Variants in KDM4B observed in about 807,000 individuals in gnomAD.
KDM4B encodes the protein lysine-specific demethylase 4B.
Under a neutral mutation model 125.2 loss-of-function variants are expected in KDM4B, and 32 were observed. The observed-to-expected ratio is 0.26, with a 90% CI of 0.19 to 0.34. KDM4B has a LOEUF of 0.34. KDM4B is among the 10% of genes least tolerant of loss of function. KDM4B has a pLI of 1.00. For synonymous variants in KDM4B, 721 were observed against 677.9 expected, an observed-to-expected ratio of 1.06 and a Z score of -0.99; for missense variants, 1,190 against 1,577.7, an observed-to-expected ratio of 0.75 and a Z score of 4.16.
intron 6 of KDM4B, among the ~76,000 whole-genome samples, chr19:5,053,331 TG>T (rs1460394245): frequency 6.6e-6 from 1 of 152,182 alleles, no homozygotes; most frequent in East Asian, 1.9e-4. Context: ...GCCCGATGCG[TG>T]CCTCGCTCCC....
intron 1 of KDM4B, among the ~76,000 whole-genome samples, chr19:4,975,203 G>C (rs960785790): frequency 4.6e-5 from 7 of 152,214 alleles, no homozygotes; most frequent in Admixed American, 3.9e-4. Flanking sequence ...TTGTAAGCCA[G>C]AGGTCATCTC....
intron 6 of KDM4B, among the ~76,000 whole-genome samples, chr19:5,068,042 G>T (rs2037829872): frequency 6.6e-6 from 1 of 151,530 alleles, no homozygotes; most frequent in Non-Finnish European, 1.5e-5. Context: ...TGCTCCCCCT[G>T]CCTCGAGCTT....
intron 3 of KDM4B, 96 bp from the exon 4 acceptor site, chr19:5,039,740 G>T: frequency 7.4e-7 from 1 of 1,353,500 alleles, no homozygotes; most frequent in Admixed American, 2.0e-5. Context: ...CAGATCTTGG[G>T]GGGTGCTGGT....
At chr19:5,117,676 C>G (rs1266312881) in intron 10 of KDM4B, among the ~76,000 whole-genome samples, 1 of 152,164 alleles carries the variant, frequency 6.6e-6, no homozygotes, top group East Asian at 1.9e-4. Flanking sequence ...TTGTGGAGAA[C>G]GTTCTCTGGA....
chr19:5,053,115 G>C (rs1308095426), intron 6 of KDM4B, among the ~76,000 whole-genome samples: 1 of 152,240 alleles, frequency 6.6e-6, no homozygotes, highest in East Asian at 1.9e-4. Context: ...CAGCTTCACA[G>C]ATTGGTTTTA....
chr19:5,022,827 G>T (rs61315057), intron 2 of KDM4B, among the ~76,000 whole-genome samples: 22 of 152,012 alleles, frequency 1.4e-4, no homozygotes, highest in East Asian at 3.9e-4. Flanking sequence ...CTCTCCAGGT[G>T]GGGGGGCTTG....
intron 5 of KDM4B, among the ~76,000 whole-genome samples, chr19:5,045,565 T>TC (rs2036999260): frequency 6.7e-6 from 1 of 150,066 alleles, no homozygotes; most frequent in South Asian, 2.1e-4. Context: ...TAATTTTCTT[T>TC]CTTTTTTTTT....
chr19:5,029,899 C>T (rs2036396792), intron 2 of KDM4B, among the ~76,000 whole-genome samples: 1 of 152,296 alleles, frequency 6.6e-6, no homozygotes, highest in African/African-American at 2.4e-5. Flanking sequence ...TGCCTGAGTC[C>T]CTGTGCTGAG....
chr19:5,126,458 CAG>C (rs745761130), intron 11 of KDM4B, among the ~76,000 whole-genome samples: 8 of 152,210 alleles, frequency 5.3e-5, no homozygotes, highest in African/African-American at 9.6e-5. Flanking sequence ...CACACAGGGT[CAG>C]GGGGCAGAGC....
At chr19:5,052,940 GC>G (rs71170888) in intron 6 of KDM4B, among the ~76,000 whole-genome samples, 3 of 152,204 alleles carry the variant, frequency 2.0e-5, no homozygotes, top group Admixed American at 6.5e-5. Flanking sequence ...GTAAGGCATG[GC>G]CCCCCTCAGT....
chr19:5,042,039 C>T (rs549028694), intron 5 of KDM4B, among the ~76,000 whole-genome samples: 1 of 152,374 alleles, frequency 6.6e-6, no homozygotes, highest in East Asian at 1.9e-4. Context: ...ACGCCCCCGA[C>T]ATGGAGCCAG....
chr19:5,040,884 G>A (rs917718029), intron 4 of KDM4B, among the ~76,000 whole-genome samples: 6 of 152,234 alleles, frequency 3.9e-5, no homozygotes, highest in East Asian at 1.9e-4. Flanking sequence ...TCCCCCTGGC[G>A]TGTGTTCTGA....
chr19:4,993,581 A>C (rs2035097383), intron 1 of KDM4B, among the ~76,000 whole-genome samples: 1 of 152,026 alleles, frequency 6.6e-6, no homozygotes, highest in African/African-American at 2.4e-5. Flanking sequence ...TTATCATTAT[A>C]AAATGTCCCT....
intron 1 of KDM4B, among the ~76,000 whole-genome samples, chr19:5,008,794 G>T (rs1399603522): frequency 1.3e-5 from 2 of 149,596 alleles, no homozygotes; most frequent in African/African-American, 2.5e-5. Context: ...GTAGAGACAG[G>T]TTTTCACCAT....
rs1337798507 is a variant in KDM4B, at chr19:5,137,649, G to A, written c.2414G>A (p.Gly805Asp). 1 of 1,599,242 alleles carries A rather than the reference G, an allele frequency of 6.3e-7. No individual in the cohort carries two copies. The highest frequency in any genetic ancestry group is 8.5e-7 in the Non-Finnish European group (1 of 1,176,802). ...TGCTGCCTGTGCAACCTGCGAGGAGGTGCGCTGCAGATGACCACCGATAGG... is the reference window on the plus strand; with the variant it reads ...TGCTGCCTGTGCAACCTGCGAGGAGATGCGCTGCAGATGACCACCGATAGG... ...AECCLCNLRG[G>D]ALQMTTDRRW... is the part of the protein sequence containing the mutation. Residue 805 changes from glycine (G) to aspartate (D), a missense_variant, in exon 17 of 23, where the codon GGT (glycine) becomes GAT (aspartate). By Grantham distance (94) the Gly-to-Asp change is moderately conservative (BLOSUM62 -1). Around this residue, in one of 7 missense-constraint regions of KDM4B, gnomAD observed 298 missense variants for 439.7 expected, o/e 0.68. Transcript: ENST00000159111.
chr19:5,138,106 C>G, intron 18 of KDM4B, 36 bp downstream of exon 18: 1 of 1,516,338 alleles, frequency 6.6e-7, no homozygotes, highest in Non-Finnish European at 9.1e-7. Flanking sequence ...CCTGCCCGTG[C>G]CTCTAGGGCT....
chr19:4,974,055 C>T (rs1438466277), intron 1 of KDM4B, among the ~76,000 whole-genome samples: 1 of 151,504 alleles, frequency 6.6e-6, no homozygotes, highest in Non-Finnish European at 1.5e-5. Flanking sequence ...GCACCGAGAT[C>T]CTGCCACTGC....
intron 9 of KDM4B, among the ~76,000 whole-genome samples, chr19:5,087,469 T>TC (rs1201183894): frequency 6.6e-6 from 1 of 152,060 alleles, no homozygotes; most frequent in Non-Finnish European, 1.5e-5. Context: ...ACCACAGAGG[T>TC]CCCCAGACAT....
chr19:5,066,946 C>T (rs551561069), intron 6 of KDM4B, among the ~76,000 whole-genome samples: 36 of 152,294 alleles, frequency 2.4e-4, no homozygotes, highest in Admixed American at 7.8e-4. Flanking sequence ...TGCCCGGGTC[C>T]TGGGTCCTGG....
Sources: allele counts gnomAD v4.1 joint callset (sites outside exome capture counted in the v4.1 genomes callset), GRCh38; gene constraint gnomAD v4.1.1; regional missense constraint gnomAD v4.1.1; transcripts MANE v1.5; gene names NCBI Gene and HGNC (gene_info 2026-07-23, HGNC 2026-07-21).